The following MB21D2 variants were observed in gnomAD, a reference collection of about 807,000 sequenced individuals.
MB21D2 encodes the protein nucleotidyltransferase MB21D2.
MB21D2 carries 9 observed loss-of-function variants against 33.3 expected under a neutral mutation model. That is an observed-to-expected ratio of 0.27 (90% CI 0.16 to 0.47). The LOEUF is 0.47. Ranked by LOEUF, MB21D2 falls within the 20% of genes least tolerant of loss-of-function variation. The pLI is 0.99. For missense variants in MB21D2, 540 were observed against 624.6 expected (o/e 0.86, Z 1.44); for synonymous variants, 241 against 236.3 (o/e 1.02, Z -0.18).
At chr3:192,901,801 C>T (rs1714109797) in intron 1 of MB21D2, among the ~76,000 whole-genome samples, 1 of 152,186 alleles carries the variant, frequency 6.6e-6, no homozygotes, top group Admixed American at 6.6e-5. Flanking sequence ...TGGCATCTGC[C>T]TTTCCCTGAA....
chr3:192,872,457 T>G (rs1239139442), intron 1 of MB21D2, among the ~76,000 whole-genome samples: 1 of 151,188 alleles, frequency 6.6e-6, no homozygotes, highest in East Asian at 1.9e-4. Context: ...GCGCCTGTAG[T>G]CCCAGCTACT....
chr3:192,826,087 C>G (rs11926468), intron 1 of MB21D2, among the ~76,000 whole-genome samples: 1 of 152,142 alleles, frequency 6.6e-6, no homozygotes, highest in African/African-American at 2.4e-5. Context: ...GGTCCTCAGG[C>G]TCCTACACTA....
chr3:192,825,212 G>A (rs961246027), intron 1 of MB21D2, among the ~76,000 whole-genome samples: 1 of 152,188 alleles, frequency 6.6e-6, no homozygotes, highest in Admixed American at 6.5e-5. Context: ...TGCTATCATG[G>A]CTCACTGCAG....
At chr3:192,909,416 A>G (rs1184210462) in intron 1 of MB21D2, among the ~76,000 whole-genome samples, 1 of 152,198 alleles carries the variant, frequency 6.6e-6, no homozygotes, top group Non-Finnish European at 1.5e-5. Flanking sequence ...ATTTTTTGAG[A>G]TATCTGCAAC....
rs1226930259 is a variant in MB21D2, at chr3:192,798,899, C to G, written c.963G>C (p.Leu321=). Residue 321 remains leucine, a synonymous_variant, in exon 2 of 2, where the codon CTG becomes CTC. Transcript: ENST00000392452. The surrounding 1 kb of genome is among the most constrained non-coding windows in gnomAD (Gnocchi z 4.8). ...QACKAIIIKL[L]SRPKAISPYH... is the part of the protein sequence containing the mutation. The stretch of plus-strand genomic sequence containing the variant: ...AGGGGCTAATAGCCTTGGGCCGGGA[C>G]AGCAGTTTAATGATGATGGCTTTGC... The G allele has an allele frequency of 1.2e-6, 2 of 1,613,684 alleles. No individual in the cohort carries two copies. The highest frequency in any genetic ancestry group is 1.7e-5 in the Admixed American group (1 of 60,024).
chr3:192,901,092 G>A (rs911834314), intron 1 of MB21D2, among the ~76,000 whole-genome samples: 7 of 152,116 alleles, frequency 4.6e-5, no homozygotes, highest in East Asian at 1.9e-4. Flanking sequence ...TGAACGGCCC[G>A]AGATGGCAGA....
intron 1 of MB21D2, among the ~76,000 whole-genome samples, chr3:192,891,846 G>A (rs1477576001): frequency 1.3e-5 from 2 of 152,032 alleles, no homozygotes; most frequent in Non-Finnish European, 2.9e-5. Flanking sequence ...CCAAAAATGT[G>A]ATCCATGAGA....
chr3:192,799,310 C>T lies in MB21D2; in HGVS notation c.552G>A (p.Val184=). The change falls in exon 2 of 2, where the codon GTG becomes GTA. Residue 184 remains valine, a synonymous_variant. Coordinates refer to ENST00000392452, the MANE Select transcript of MB21D2 (RefSeq NM_178496.4). The surrounding 1 kb of genome is among the most constrained non-coding windows in gnomAD (Gnocchi z 4.1). ...ATNYFFSPTK[V]ADWFYDSISI... The stretch of plus-strand genomic sequence containing the variant: ...TGATAGAGTCATAGAACCAGTCAGC[C>T]ACTTTGGTAGGTGAGAAGAAGTAGT... The T allele has an allele frequency of 6.2e-7, 1 of 1,614,242 alleles. No individual in the cohort carries two copies. The highest frequency in any genetic ancestry group is 8.5e-7 in the Non-Finnish European group (1 of 1,180,044).
chr3:192,797,645 A>G lies in MB21D2; in HGVS notation c.*741T>C, dbSNP rs1160263733. The G allele has an allele frequency of 6.6e-6, 1 of 152,634 alleles. No individual in the cohort carries two copies. The highest frequency in any genetic ancestry group is 2.4e-5 in the African/African-American group (1 of 41,450). 9.5% of individuals were successfully genotyped at this position (152,634 alleles called of 1,614,324 possible). A position where few individuals can be genotyped will look rare whatever the true frequency, so the allele number is the denominator to read the frequency against. On this transcript the variant is annotated 3_prime_UTR_variant, in exon 2 of 2. Transcript: ENST00000392452. The stretch of plus-strand genomic sequence containing the variant: ...TAGTGCAAATAATAATTATAATGGT[A>G]TGTTCTTTAATAGGATTTAAATAAG...
rs111626072 is a variant in MB21D2, at chr3:192,849,349, G to T, written c.212-49699C>A. Among the ~76,000 whole-genome samples, 4 of 146,902 alleles carry T rather than the reference G, an allele frequency of 2.7e-5. No homozygotes were observed. In the Admixed American group the frequency reaches 2.8e-4, roughly 10 times the overall value. On this transcript the variant is annotated intron_variant, in intron 1 of 1. Transcript: ENST00000392452. ...GGGCGGGGGGTGGGGGTGGAGTCTC[G>T]CTCTGTTGCCCAGGCTGGCGTGCAG... is the stretch of plus-strand genomic sequence containing the variant.
chr3:192,806,083 G>A (rs1450763531), intron 1 of MB21D2, among the ~76,000 whole-genome samples: 1 of 152,238 alleles, frequency 6.6e-6, no homozygotes. Flanking sequence ...ACGACACACA[G>A]GGTGGCAGGC....
At chr3:192,878,898 G>C (rs760663135) in intron 1 of MB21D2, among the ~76,000 whole-genome samples, 1 of 152,116 alleles carries the variant, frequency 6.6e-6, no homozygotes, top group Non-Finnish European at 1.5e-5. Flanking sequence ...CGGGATGTGG[G>C]GTTTGCAGTG....
intron 1 of MB21D2, among the ~76,000 whole-genome samples, chr3:192,831,604 C>A (rs1011871906): frequency 6.6e-6 from 1 of 152,154 alleles, no homozygotes; most frequent in African/African-American, 2.4e-5. Flanking sequence ...TTCATCAAAT[C>A]TTCAACACTT....
chr3:192,847,024 G>T (rs376106811), intron 1 of MB21D2, among the ~76,000 whole-genome samples: 31 of 152,240 alleles, frequency 2.0e-4, no homozygotes, highest in African/African-American at 7.5e-4. Flanking sequence ...CCAGTTGGGG[G>T]AAGACTCATC....
chr3:192,870,834 T>C (rs1713280562), intron 1 of MB21D2, among the ~76,000 whole-genome samples: 1 of 151,508 alleles, frequency 6.6e-6, no homozygotes, highest in Non-Finnish European at 1.5e-5. Context: ...TCTCATCATA[T>C]CTCTTAAGGC....
At chr3:192,875,513 T>C (rs1335654031) in intron 1 of MB21D2, among the ~76,000 whole-genome samples, 1 of 152,246 alleles carries the variant, frequency 6.6e-6, no homozygotes, top group Non-Finnish European at 1.5e-5. Context: ...GATTTTTTAA[T>C]TTTAATTTTT....
intron 1 of MB21D2, among the ~76,000 whole-genome samples, chr3:192,858,866 T>C (rs1214529735): frequency 6.6e-6 from 1 of 152,166 alleles, no homozygotes; most frequent in Non-Finnish European, 1.5e-5. Flanking sequence ...GTACAAACCA[T>C]CAGCATAAAC....
chr3:192,818,480 G>A (rs1711974919), intron 1 of MB21D2, among the ~76,000 whole-genome samples: 1 of 152,224 alleles, frequency 6.6e-6, no homozygotes. Context: ...GCAAGTCACA[G>A]AGTTCTCAGC....
chr3:192,848,543 C>T (rs1035797634), intron 1 of MB21D2, among the ~76,000 whole-genome samples: 10 of 152,184 alleles, frequency 6.6e-5, no homozygotes, highest in Admixed American at 6.6e-4. Context: ...ATTTCCTATT[C>T]CCAACAAAGA....
Sources: gnomAD v4.1 joint callset for allele counts (sites outside exome capture counted in the v4.1 genomes callset) on GRCh38, gnomAD v4.1.1 for gene constraint, Gnocchi (gnomAD v3.1) non-coding constraint, MANE v1.5 for transcripts, NCBI Gene and HGNC (gene_info 2026-07-23, HGNC 2026-07-21) for gene names.